The following B4GALNT3 variants were observed in gnomAD, a reference collection of about 807,000 sequenced individuals.
The protein encoded by B4GALNT3 is beta-1,4-N-acetyl-galactosaminyltransferase 3.
A neutral mutation model predicts 120.2 loss-of-function variants in B4GALNT3; 86 were observed. The observed-to-expected ratio is 0.72, with a 90% CI of 0.60 to 0.86. B4GALNT3 has a LOEUF of 0.86. B4GALNT3 is among the 40% of genes least tolerant of loss of function. The pLI is 0.00. For synonymous variants in B4GALNT3, 518 were observed against 510.4 expected, an observed-to-expected ratio of 1.01 and a Z score of -0.20; for missense variants, 1,167 against 1,298.9, an observed-to-expected ratio of 0.90 and a Z score of 1.56.
In B4GALNT3 at chr12:550,006, G is replaced by A; in HGVS notation, c.997+94G>A. 1 of 1,381,256 alleles carries A rather than the reference G, an allele frequency of 7.2e-7. No homozygotes were observed. Among genetic ancestry groups the A allele is most frequent in the Non-Finnish European group, 9.9e-7 (1 of 1,012,392 alleles). 85.6% of individuals were successfully genotyped at this position (1,381,256 alleles called of 1,614,324 possible). A position where few individuals can be genotyped will look rare whatever the true frequency, so the allele number is the denominator to read the frequency against. ...GGAGAAGGCTTGAGAGACCTGCCAA[G>A]TATCCCAATCACCGTAGAACTTTTT... On this transcript the variant is annotated intron_variant, in intron 10 of 19. Transcript: ENST00000266383. The surrounding 1 kb of genome is among the most constrained non-coding windows in gnomAD (Gnocchi z 4.1).
chr12:482,040 C>T (rs892447466), intron 1 of B4GALNT3, among the ~76,000 whole-genome samples: 1 of 152,248 alleles, frequency 6.6e-6, no homozygotes, highest in East Asian at 1.9e-4. Context: ...TAAATCCAGC[C>T]TCCCACTCAA....
At chr12:510,751 A>G (rs547412265) in intron 1 of B4GALNT3, among the ~76,000 whole-genome samples, 1 of 152,124 alleles carries the variant, frequency 6.6e-6, no homozygotes, top group Admixed American at 6.5e-5. Context: ...AAGTAGGGAG[A>G]AGGGAGAGCC....
intron 1 of B4GALNT3, among the ~76,000 whole-genome samples, chr12:461,252 G>A (rs1419538356): frequency 6.6e-6 from 1 of 152,158 alleles, no homozygotes; most frequent in Non-Finnish European, 1.5e-5. Context: ...CCCAGTTTAA[G>A]GAGATGATGG....
intron 1 of B4GALNT3, among the ~76,000 whole-genome samples, chr12:534,060 T>G (rs1012762969): frequency 6.6e-6 from 1 of 152,148 alleles, no homozygotes; most frequent in Non-Finnish European, 1.5e-5. Flanking sequence ...TAATTCCGTC[T>G]AAGCAGTGCC....
intron 1 of B4GALNT3, among the ~76,000 whole-genome samples, chr12:503,836 C>A (rs113004464): frequency 6.6e-6 from 1 of 152,038 alleles, no homozygotes; most frequent in Non-Finnish European, 1.5e-5. Flanking sequence ...TAAAAGTGGC[C>A]GGGCATGGTG....
intron 1 of B4GALNT3, among the ~76,000 whole-genome samples, chr12:495,085 C>G (rs565985517): frequency 6.6e-6 from 1 of 152,316 alleles, no homozygotes; most frequent in African/African-American, 2.4e-5. Context: ...AATGGATGCA[C>G]TTTGTATGTG....
chr12:472,983 T>G (rs1463926210), intron 1 of B4GALNT3, among the ~76,000 whole-genome samples: 3 of 1,116 alleles, frequency 2.7e-3, no homozygotes, highest in African/African-American at 3.8e-3. Flanking sequence ...ACACTTTTTT[T>G]TTTTTTTTTT....
intron 1 of B4GALNT3, among the ~76,000 whole-genome samples, chr12:506,004 T>C (rs1295275783): frequency 6.6e-6 from 1 of 152,222 alleles, no homozygotes; most frequent in Non-Finnish European, 1.5e-5. Flanking sequence ...TTCTTATAAA[T>C]CAGATTGTAA....
chr12:514,469 T>G (rs2120600150), intron 1 of B4GALNT3, among the ~76,000 whole-genome samples: 1 of 151,874 alleles, frequency 6.6e-6, no homozygotes. Context: ...AGTGCTGGGA[T>G]TACAGGCATG....
At chr12:552,010 T>A (rs1947088987) in intron 11 of B4GALNT3, 53 bp from the exon 12 acceptor site, 2 of 1,403,574 alleles carry the variant, frequency 1.4e-6, no homozygotes, top group Admixed American at 3.4e-5. Flanking sequence ...GCTGGCTGAT[T>A]TCTTACCAAG....
Position 545,395 on chromosome 12 carries a change from G to C in B4GALNT3, c.565G>C (p.Asp189His). Reference sequence around the variant, plus strand: ...GAAAATCCAGTTTGCCATTGCTGCAGATGACAACGCGGAGTTCTGGCTGAG... The same window carrying C: ...GAAAATCCAGTTTGCCATTGCTGCACATGACAACGCGGAGTTCTGGCTGAG... ...DGKIQFAIAA[D>H]DNAEFWLSLD... Residue 189 changes from aspartate to histidine, a missense_variant, in exon 6 of 20, where the codon GAT becomes CAT. Transcript: ENST00000266383. 1 of 1,612,020 alleles carries C rather than the reference G, an allele frequency of 6.2e-7. No homozygotes were observed. The highest frequency in any genetic ancestry group is 8.5e-7 in the Non-Finnish European group (1 of 1,179,530).
At chr12:492,060 A>T (rs1415412573) in intron 1 of B4GALNT3, among the ~76,000 whole-genome samples, 5 of 151,792 alleles carry the variant, frequency 3.3e-5, no homozygotes, top group South Asian at 4.2e-4. Context: ...CGTCTCAAAA[A>T]AAAAAAAGAA....
chr12:501,311 G>A (rs1421891335), intron 1 of B4GALNT3, among the ~76,000 whole-genome samples: 6 of 152,202 alleles, frequency 3.9e-5, no homozygotes, highest in Admixed American at 3.9e-4. Context: ...TTGCAGGGTT[G>A]TTGTGAAATG....
At chr12:469,745 C>T (rs975662464) in intron 1 of B4GALNT3, among the ~76,000 whole-genome samples, 1 of 152,170 alleles carries the variant, frequency 6.6e-6, no homozygotes, top group African/African-American at 2.4e-5. Context: ...CTGCATACCC[C>T]TGTGTACACA....
intron 2 of B4GALNT3, 50 bp downstream of exon 2, chr12:535,319 C>T (rs542548196): frequency 2.2e-5 from 34 of 1,511,388 alleles, no homozygotes; most frequent in Admixed American, 3.4e-5. Flanking sequence ...AACAAAGGTC[C>T]GCAGGTGCTC....
intron 1 of B4GALNT3, among the ~76,000 whole-genome samples, chr12:486,002 C>G (rs948365140): frequency 1.3e-5 from 2 of 152,080 alleles, no homozygotes; most frequent in African/African-American, 4.8e-5. Flanking sequence ...GCAGGAAAAC[C>G]TAAACTGTAA....
intron 1 of B4GALNT3, among the ~76,000 whole-genome samples, chr12:496,176 A>G (rs901235184): frequency 3.3e-5 from 5 of 152,192 alleles, no homozygotes; most frequent in Non-Finnish European, 2.9e-5. Context: ...AATGGTAGCA[A>G]TGTAGTCCCT....
chr12:511,807 C>T (rs796206667), intron 1 of B4GALNT3, among the ~76,000 whole-genome samples: 2,111 of 56,990 alleles, frequency 0.037, 187 homozygotes, highest in Non-Finnish European at 0.067. Context: ...CACCTTCTTC[C>T]ACCTTCTTCC....
intron 2 of B4GALNT3, among the ~76,000 whole-genome samples, chr12:535,614 C>T (rs1020909372): frequency 2.0e-5 from 3 of 152,338 alleles, no homozygotes; most frequent in Admixed American, 2.0e-4. Context: ...AGGGTGAGGG[C>T]TGGGCTGTGC....
Sources: allele counts gnomAD v4.1 joint callset (sites outside exome capture counted in the v4.1 genomes callset), GRCh38; gene constraint gnomAD v4.1.1; non-coding constraint Gnocchi (gnomAD v3.1); transcripts MANE v1.5; gene names NCBI Gene and HGNC (gene_info 2026-07-23, HGNC 2026-07-21).